ITGA4: variants seen among roughly 807,000 people sequenced by gnomAD.
ITGA4 encodes the protein integrin alpha-4.
ITGA4 carries 63 observed loss-of-function variants against 133.6 expected under a neutral mutation model. That is an observed-to-expected ratio of 0.47 (90% CI 0.38 to 0.58). The LOEUF (loss-of-function observed/expected upper bound fraction) is 0.58. ITGA4 is among the 20% of genes least tolerant of loss of function. ITGA4 has a pLI of 0.00. For synonymous variants in ITGA4, 483 were observed against 438.0 expected (o/e 1.10, Z -1.28); for missense variants, 1,076 against 1,252.7 (o/e 0.86, Z 2.13).
intron 2 of ITGA4, among the ~76,000 whole-genome samples, chr2:181,465,505 G>A (rs943221894): frequency 2.0e-5 from 3 of 151,926 alleles, no homozygotes; most frequent in Admixed American, 2.0e-4. Context: ...TATTTCCCTG[G>A]AGTATTTTCT....
Position 181,523,685 on chromosome 2 carries a change from G to A in ITGA4, c.2169+153G>A, listed in dbSNP as rs55671271. Among the ~76,000 whole-genome samples, 266 of 152,212 alleles carry A rather than the reference G, an allele frequency of 1.7e-3. No homozygotes were observed. Among genetic ancestry groups the A allele is most frequent in the Non-Finnish European group, 2.8e-3 (190 of 68,012 alleles). On this transcript the variant is annotated intron_variant, in intron 19 of 27. Transcript: ENST00000397033. This position sits in a 1 kb window ranked among gnomAD's most constrained non-coding sequence, Gnocchi z 4.2. ...TAAAACTGGTTCTTGAAATCTTTGA[G>A]CTTTGTGTTTATATTCTTGGCAATG...
Position 181,537,569 on chromosome 2 carries a change from A to G in ITGA4, c.*2042A>G, listed in dbSNP as rs1440989343. ...ATTAGGGAGCAGTGAATCAAGGCAGACTTATGAAATCTGTATTATATTTGT... is the reference window on the plus strand; with the variant it reads ...ATTAGGGAGCAGTGAATCAAGGCAGGCTTATGAAATCTGTATTATATTTGT... On this transcript the variant is annotated 3_prime_UTR_variant, in exon 28 of 28. Transcript: ENST00000397033. 2.3e-6 allele frequency: 1 copy of G among 434,802 alleles called. No homozygotes were observed. The highest frequency in any genetic ancestry group is 2.0e-5 in the African/African-American group (1 of 49,006). 26.9% of individuals were successfully genotyped at this position (434,802 alleles called of 1,614,324 possible).
chr2:181,538,594 C>A lies in ITGA4; in HGVS notation c.*3067C>A, dbSNP rs533630560. Among the ~76,000 whole-genome samples, 7 of 152,230 alleles carry A rather than the reference C, an allele frequency of 4.6e-5. No homozygotes were observed. The highest frequency in any genetic ancestry group is 1.3e-4 in the Admixed American group (2 of 15,288). ...AAGAATGCGTTTGCAGGTTCCTAAA[C>A]CTGTTTATACCAGTTGCTATGTAAA... On this transcript the variant is annotated 3_prime_UTR_variant, in exon 28 of 28. Coordinates refer to ENST00000397033, the MANE Select transcript of ITGA4 (RefSeq NM_000885.6).
chr2:181,498,608 T>C lies in ITGA4; in HGVS notation c.1541-15T>C, dbSNP rs1314298509. ...TCAGTAATTAGATTAATTGCAATTC[T>C]CTATATTTTTGCAGTTTTGTTTTAT... is the stretch of plus-strand genomic sequence containing the variant. On this transcript the variant is annotated splice_polypyrimidine_tract_variant and intron_variant, in intron 14 of 27. Coordinates refer to ENST00000397033, the MANE Select transcript of ITGA4 (RefSeq NM_000885.6). 6.5e-6 allele frequency: 10 copies of C among 1,543,508 alleles called. No homozygotes were observed. The African/African-American group carries it at 1.1e-4, about 17-fold the overall frequency.
Position 181,523,629 on chromosome 2 carries a change from T to G in ITGA4, c.2169+97T>G. The G allele has an allele frequency of 3.0e-6, 2 of 671,100 alleles. No homozygotes were observed. The allele number at this position is 671,100 out of a possible 1,614,324, so 41.6% of individuals were successfully genotyped here. A position where few individuals can be genotyped will look rare whatever the true frequency, so the allele number is the denominator to read the frequency against. ...TTGCATAGAAAATATTATAAATATT[T>G]TAGCTTGGGGTAGGTAGCTGAGTGA... On this transcript the variant is annotated intron_variant, in intron 19 of 27. Transcript: ENST00000397033. The surrounding 1 kb of genome is among the most constrained non-coding windows in gnomAD (Gnocchi z 4.2).
Position 181,481,684 on chromosome 2 carries a change from G to A in ITGA4, c.840+1G>A. 6.6e-7 allele frequency: 1 copy of A among 1,519,692 alleles called. No individual in the cohort carries two copies. The highest frequency in any genetic ancestry group is 9.1e-7 in the Non-Finnish European group (1 of 1,100,710). The allele number at this position is 1,519,692 out of a possible 1,614,324, so 94.1% of individuals were successfully genotyped here. A position where few individuals can be genotyped will look rare whatever the true frequency, so the allele number is the denominator to read the frequency against. ...TCCTCAACATGAGCAGATTGGTAAG[G>A]TAAGAATTACATTTTTATATTTATT... On this transcript the variant is annotated splice_donor_variant, in intron 7 of 27. Coordinates refer to ENST00000397033, the MANE Select transcript of ITGA4 (RefSeq NM_000885.6). LOFTEE classifies it high-confidence loss of function.
chr2:181,515,762 A>G (rs1013220802), intron 17 of ITGA4, among the ~76,000 whole-genome samples: 2 of 152,142 alleles, frequency 1.3e-5, no homozygotes, highest in Non-Finnish European at 2.9e-5. Flanking sequence ...ACTCTATCAG[A>G]CAGAAATATG....
rs1686134095 is a variant in ITGA4 at position 181,495,241 on chromosome 2, A to G, written c.1340-130A>G. On this transcript the variant is annotated intron_variant, in intron 12 of 27. Transcript: ENST00000397033. This position sits in a 1 kb window ranked among gnomAD's most constrained non-coding sequence, Gnocchi z 4.3. ...GGAAAGAATCGTAAGATGTTAGCAT[A>G]TATTCTCTAATTTTCTATAAATAGT... The G allele has an allele frequency of 2.9e-6, 2 of 684,254 alleles. No homozygotes were observed. The highest frequency in any genetic ancestry group is 2.6e-5 in the East Asian group (1 of 38,248). The allele number at this position is 684,254 out of a possible 1,614,324, so 42.4% of individuals were successfully genotyped here.
At chr2:181,475,975 C>G (rs1019176594) in intron 4 of ITGA4, 8 of 1,276,408 alleles carry the variant, frequency 6.3e-6, no homozygotes, top group Non-Finnish European at 8.1e-6. Flanking sequence ...TCATAATTTT[C>G]TAACCACCCT....
Position 181,457,681 on chromosome 2 carries a change from C to T in ITGA4, c.27C>T (p.Pro9=), listed in dbSNP as rs943519292. Residue 9 remains proline (P), a synonymous_variant, in exon 1 of 28, where the codon CCC becomes CCT. Coordinates refer to ENST00000397033, the MANE Select transcript of ITGA4 (RefSeq NM_000885.6). ...TGGCTTGGGAAGCGAGGCGCGAACCCGGCCCCCGAAGGGCCGCCGTCCGGG... is the reference window on the plus strand; with the variant it reads ...TGGCTTGGGAAGCGAGGCGCGAACCTGGCCCCCGAAGGGCCGCCGTCCGGG... MAWEARRE[P]GPRRAAVRET... 6.2e-7 allele frequency: 1 copy of T among 1,611,062 alleles called. No homozygotes were observed. Among genetic ancestry groups the T allele is most frequent in the East Asian group, 2.2e-5 (1 of 44,774 alleles).
In ITGA4 at chr2:181,530,512, C is replaced by G. The variant is rs1210428174; in HGVS notation, c.2539-12C>G. On this transcript the variant is annotated splice_polypyrimidine_tract_variant and intron_variant, in intron 23 of 27. Coordinates refer to ENST00000397033, the MANE Select transcript of ITGA4 (RefSeq NM_000885.6). ...TGAAAGATAAGATTTCTCTTGCTTT[C>G]TGTCTTCATAGACTACTACTGGAGA... The G allele has an allele frequency of 6.2e-7, 1 of 1,601,094 alleles. No homozygotes were observed. The highest frequency in any genetic ancestry group is 1.1e-5 in the South Asian group (1 of 89,444).
chr2:181,509,597 T>G (rs1574404053), intron 15 of ITGA4, 61 bp from the exon 16 acceptor site: 2 of 1,378,440 alleles, frequency 1.5e-6, no homozygotes, highest in African/African-American at 1.5e-5. Context: ...GAAAGGAGTT[T>G]TATTTTTTTT....
intron 2 of ITGA4, among the ~76,000 whole-genome samples, chr2:181,466,444 A>G (rs1481716681): frequency 1.3e-5 from 2 of 152,108 alleles, no homozygotes; most frequent in African/African-American, 4.8e-5. Context: ...TTTTAAAAAA[A>G]CATACTTTGA....
intron 26 of ITGA4, 145 bp from the exon 27 acceptor site, chr2:181,534,671 A>T: frequency 1.4e-6 from 1 of 695,656 alleles, no homozygotes; most frequent in South Asian, 1.9e-5. Flanking sequence ...GTTTCCTGCA[A>T]TTATATTAGA....
At position 181,534,928 on chromosome 2, in the gene ITGA4, T is replaced by G; in HGVS notation, c.2996T>G (p.Met999Arg). The G allele has an allele frequency of 6.4e-7, 1 of 1,571,130 alleles. No individual in the cohort carries two copies. The highest frequency in any genetic ancestry group is 8.6e-7 in the Non-Finnish European group (1 of 1,165,768). ...GTACTTCTATTGATCTCATATGTTATGTGGAAGGTAAGCATTTAACAATTA... is the reference window on the plus strand; with the variant it reads ...GTACTTCTATTGATCTCATATGTTAGGTGGAAGGTAAGCATTTAACAATTA... ...LIVLLLISYV[M>R]WKAGFFKRQY... The change falls in exon 27 of 28, where the codon ATG becomes AGG. Residue 999 changes from methionine to arginine, a missense_variant. Met to Arg is a moderately conservative substitution (Grantham distance 91). Around this residue, in one of 4 missense-constraint regions of ITGA4, gnomAD observed 193 missense variants for 172.3 expected, o/e 1.12. Coordinates refer to ENST00000397033, the MANE Select transcript of ITGA4 (RefSeq NM_000885.6).
chr2:181,499,983 T>C (rs1686236376), intron 15 of ITGA4, among the ~76,000 whole-genome samples: 1 of 152,192 alleles, frequency 6.6e-6, no homozygotes, highest in African/African-American at 2.4e-5. Flanking sequence ...TTGTACAGCT[T>C]TTTCGGAGTA....
chr2:181,524,388 A>C (rs1047237477), intron 20 of ITGA4, 138 bp downstream of exon 20: 1 of 533,962 alleles, frequency 1.9e-6, no homozygotes, highest in Non-Finnish European at 3.3e-6. Context: ...TAAAAGAACC[A>C]AACAACATAG....
intron 1 of ITGA4, 106 bp downstream of exon 1, chr2:181,457,957 A>C: frequency 8.2e-7 from 1 of 1,221,190 alleles, no homozygotes; most frequent in Non-Finnish European, 1.1e-6. Flanking sequence ...CCAAGGAGGC[A>C]GGAGGGAAAC....
intron 15 of ITGA4, among the ~76,000 whole-genome samples, chr2:181,506,148 C>G (rs572507624): frequency 6.6e-6 from 1 of 152,158 alleles, no homozygotes; most frequent in Non-Finnish European, 1.5e-5. Context: ...AAATAGAGCT[C>G]TATTCCTTGT....
Sources: allele counts gnomAD v4.1 joint callset (sites outside exome capture counted in the v4.1 genomes callset), GRCh38; gene constraint gnomAD v4.1.1; regional missense constraint gnomAD v4.1.1; non-coding constraint Gnocchi (gnomAD v3.1); transcripts MANE v1.5; gene names NCBI Gene and HGNC (gene_info 2026-07-23, HGNC 2026-07-21).